Variants in SHROOM4 observed in about 807,000 individuals in gnomAD.
SHROOM4 encodes protein Shroom4.
Under a neutral mutation model 80.3 loss-of-function variants are expected in SHROOM4, and 17 were observed. The observed-to-expected ratio is 0.21, with a 90% CI of 0.14 to 0.32. The LOEUF (loss-of-function observed/expected upper bound fraction) is 0.32, where lower values mean the gene tolerates loss of function less well. Among genes scored for constraint, SHROOM4 ranks in the 10% least tolerant of loss-of-function variants. The pLI, the probability that SHROOM4 is intolerant of heterozygous loss-of-function variation, is 1.00. For synonymous variants in SHROOM4, 400 were observed against 437.5 expected, an observed-to-expected ratio of 0.91 and a Z score of 1.07; for missense variants, 993 against 1,140.3, an observed-to-expected ratio of 0.87 and a Z score of 1.86.
At chrX:50,743,991 C>G (rs782333105) in intron 1 of SHROOM4, among the ~76,000 whole-genome samples, 1 of 111,121 alleles carries the variant, frequency 9.0e-6, no homozygotes, top group Admixed American at 9.6e-5. Context: ...ACTGTGATTC[C>G]TTTGTATGTG....
At chrX:50,667,360 T>C (rs181011732) in intron 2 of SHROOM4, among the ~76,000 whole-genome samples, 2 of 111,635 alleles carry the variant, frequency 1.8e-5, no homozygotes, top group Non-Finnish European at 3.8e-5. Flanking sequence ...ACTAAAGATA[T>C]TGGGTTTTAA....
At chrX:50,705,392 G>C (rs1370421921) in intron 1 of SHROOM4, among the ~76,000 whole-genome samples, 2 of 111,700 alleles carry the variant, frequency 1.8e-5, no homozygotes, top group African/African-American at 6.5e-5. Flanking sequence ...GAAGTGATAG[G>C]CATTTGAGTT....
chrX:50,666,820 A>G (rs1932706159), intron 2 of SHROOM4, among the ~76,000 whole-genome samples: 1 of 110,693 alleles, frequency 9.0e-6, no homozygotes, highest in Non-Finnish European at 1.9e-5. Flanking sequence ...TATGACTGAG[A>G]GAAGGGCAGG....
intron 1 of SHROOM4, among the ~76,000 whole-genome samples, chrX:50,754,128 G>A (rs1934984832): frequency 8.9e-6 from 1 of 111,907 alleles, no homozygotes; most frequent in Non-Finnish European, 1.9e-5. Context: ...TACCATCCAG[G>A]TAACATCATT....
chrX:50,685,739 GA>G (rs1933055094), intron 2 of SHROOM4, among the ~76,000 whole-genome samples: 1 of 111,725 alleles, frequency 9.0e-6, no homozygotes, highest in Non-Finnish European at 1.9e-5. Flanking sequence ...TGAGGTCACT[GA>G]ATACGGTGAT....
chrX:50,674,795 T>C (rs965405438), intron 2 of SHROOM4, among the ~76,000 whole-genome samples: 4 of 111,937 alleles, frequency 3.6e-5, no homozygotes, highest in Non-Finnish European at 7.5e-5. Flanking sequence ...ACTATCATGT[T>C]GTGGATACTG....
At chrX:50,795,464 C>CATAT (rs1557272040) in intron 1 of SHROOM4, among the ~76,000 whole-genome samples, 27 of 109,771 alleles carry the variant, frequency 2.5e-4, no homozygotes, top group African/African-American at 9.0e-4. Flanking sequence ...CCTCAAGGAG[C>CATAT]ATATCCCATG....
chrX:50,743,174 C>T (rs1934703420), intron 1 of SHROOM4, among the ~76,000 whole-genome samples: 1 of 107,348 alleles, frequency 9.3e-6, no homozygotes, highest in Admixed American at 1.0e-4. Flanking sequence ...CTACGAGATT[C>T]TCCAGACTCA....
At chrX:50,632,562 C>T (rs1001167999) in intron 4 of SHROOM4, among the ~76,000 whole-genome samples, 56 of 112,038 alleles carry the variant, frequency 5.0e-4, no homozygotes, top group African/African-American at 1.8e-3. Flanking sequence ...CCAACAGAGA[C>T]AGGATGGAGA....
In SHROOM4 at chrX:50,648,097, T is replaced by G. The variant is rs72619074; in HGVS notation, c.270-9789A>C. 0.012 allele frequency among the ~76,000 whole-genome samples: 1,355 copies of G among 111,792 alleles called. 63 individuals are homozygous for G. In the East Asian group the frequency reaches 0.22, roughly 18 times the overall value. ...GACTTGGCTGATGGATTTGTGTGTG[T>G]GGGGGTCAACAGTAGAAGCCAGAGA... is the stretch of plus-strand genomic sequence containing the variant. On this transcript the variant is annotated intron_variant, in intron 2 of 8. Coordinates refer to ENST00000376020, the MANE Select transcript of SHROOM4 (RefSeq NM_020717.5).
chrX:50,767,341 G>T, intron 1 of SHROOM4, among the ~76,000 whole-genome samples: 1 of 111,790 alleles, frequency 8.9e-6, no homozygotes, highest in Non-Finnish European at 1.9e-5. Context: ...ATGTGTAAGG[G>T]TATCTGCCTA....
At chrX:50,777,849 A>T (rs187583158) in intron 1 of SHROOM4, among the ~76,000 whole-genome samples, 20 of 112,372 alleles carry the variant, frequency 1.8e-4, no homozygotes, top group Non-Finnish European at 3.4e-4. Context: ...AATCTCCCAC[A>T]GTTTCTGTGT....
intron 1 of SHROOM4, among the ~76,000 whole-genome samples, chrX:50,750,017 A>G (rs1934874165): frequency 9.0e-6 from 1 of 111,662 alleles, no homozygotes; most frequent in African/African-American, 3.3e-5. Context: ...CCTCAACTTG[A>G]CCATAGCCAC....
chrX:50,687,515 C>T (rs112300778), intron 2 of SHROOM4, among the ~76,000 whole-genome samples: 3,458 of 110,663 alleles, frequency 0.031, 146 homozygotes, highest in African/African-American at 0.11. Context: ...TATATTAATA[C>T]ATGGTAGGAC....
rs782801517 is a variant in SHROOM4, at chrX:50,588,816, C to A, written c.*7879G>T. 7.1e-5 allele frequency among the ~76,000 whole-genome samples: 8 copies of A among 112,376 alleles called. No individual in the cohort carries two copies. Among genetic ancestry groups the A allele is most frequent in the Non-Finnish European group, 1.5e-4 (8 of 53,256 alleles). ...ATTTTAAGTGCTTCATGTGAATTAT[C>A]TCATTTAATCAACATAGTAACACTT... On this transcript the variant is annotated 3_prime_UTR_variant, in exon 9 of 9. Transcript: ENST00000376020.
At chrX:50,738,489 T>C (rs1475474716) in intron 1 of SHROOM4, among the ~76,000 whole-genome samples, 23 of 111,820 alleles carry the variant, frequency 2.1e-4, no homozygotes, top group African/African-American at 7.2e-4. Context: ...AGTCTCAGGA[T>C]ACAAAATCAA....
At chrX:50,585,554 C>A (rs1024962957), downstream of SHROOM4, among the ~76,000 whole-genome samples, 23 of 111,670 alleles carry the variant, frequency 2.1e-4, no homozygotes, top group Non-Finnish European at 1.3e-4. Flanking sequence ...ATCAGGACTT[C>A]ATCCTCTGGG....
At chrX:50,740,212 T>C (rs1304817801) in intron 1 of SHROOM4, among the ~76,000 whole-genome samples, 1 of 97,351 alleles carries the variant, frequency 1.0e-5, no homozygotes. Flanking sequence ...GGGATAGCAT[T>C]AGGAGATATA....
intron 4 of SHROOM4, among the ~76,000 whole-genome samples, chrX:50,628,901 C>G (rs1930928170): frequency 8.9e-6 from 1 of 111,925 alleles, no homozygotes; most frequent in Non-Finnish European, 1.9e-5. Flanking sequence ...CACAGCAGTC[C>G]CTGCCTATAT....
Sources: allele counts gnomAD v4.1 joint callset (sites outside exome capture counted in the v4.1 genomes callset), GRCh38; gene constraint gnomAD v4.1.1; transcripts MANE v1.5; gene names NCBI Gene and HGNC (gene_info 2026-07-23, HGNC 2026-07-21).